The following B3GALT1 variants were observed in gnomAD, a reference collection of about 807,000 sequenced individuals.
B3GALT1 encodes beta-1,3-galactosyltransferase 1, also known as UDP-Gal:betaGlcNAc beta 1,3-galactosyltransferase, polypeptide 1.
In B3GALT1, 10 loss-of-function variants were observed where a neutral mutation model predicts 23.2. The observed-to-expected ratio is 0.43, with a 90% CI of 0.27 to 0.73. The LOEUF (loss-of-function observed/expected upper bound fraction) is 0.73, where lower values mean the gene tolerates loss of function less well. B3GALT1 is among the 30% of genes least tolerant of loss of function. The probability of loss-of-function intolerance (pLI) is 0.21; values close to 1 mark genes in which losing one functional copy is unlikely to be tolerated. For synonymous variants in B3GALT1, 156 were observed against 141.5 expected (o/e 1.10, Z -0.73); for missense variants, 299 against 405.4 (o/e 0.74, Z 2.25).
chr2:167,319,367 T>G (rs1696769799), intron 1 of B3GALT1, among the ~76,000 whole-genome samples: 1 of 152,158 alleles, frequency 6.6e-6, no homozygotes, highest in South Asian at 2.1e-4. Flanking sequence ...CTAGGAAGCC[T>G]ACATCGGGTA....
rs533952377 is a variant in B3GALT1 at position 167,489,839 on chromosome 2, A to G, written c.-510-338A>G. ...TCTTGTGGAAATACTTGCTATTATAAGTGAGACCGCAGAATAAAATTAATG... is the reference window on the plus strand; with the variant it reads ...TCTTGTGGAAATACTTGCTATTATAGGTGAGACCGCAGAATAAAATTAATG... On this transcript the variant is annotated intron_variant, in intron 1 of 4. Coordinates refer to ENST00000392690, the MANE Select transcript of B3GALT1 (RefSeq NM_020981.4). 5.1e-4 allele frequency among the ~76,000 whole-genome samples: 77 copies of G among 152,354 alleles called. 1 individual carries two copies. In the South Asian group the frequency reaches 0.015, roughly 29 times the overall value.
chr2:167,512,339 A>G (rs973309275), intron 2 of B3GALT1, among the ~76,000 whole-genome samples: 1 of 151,098 alleles, frequency 6.6e-6, no homozygotes, highest in African/African-American at 2.4e-5. Context: ...TTATATGTCT[A>G]TTGAGATTAT....
intron 3 of B3GALT1, among the ~76,000 whole-genome samples, chr2:167,647,729 C>T (rs573707986): frequency 6.6e-6 from 1 of 152,004 alleles, no homozygotes; most frequent in Non-Finnish European, 1.5e-5. Context: ...TTCTTTTTCC[C>T]AGTCACTCAA....
chr2:167,597,076 G>A (rs564698781), intron 2 of B3GALT1, among the ~76,000 whole-genome samples: 1 of 149,974 alleles, frequency 6.7e-6, no homozygotes, highest in African/African-American at 2.4e-5. Context: ...TGCTTAATGT[G>A]TATCCATTGT....
intron 1 of B3GALT1, among the ~76,000 whole-genome samples, chr2:167,455,230 G>A (rs934932849): frequency 6.6e-6 from 1 of 152,080 alleles, no homozygotes. Flanking sequence ...GATGACATTT[G>A]CTTTTAGGGA....
At chr2:167,796,907 T>A (rs1688554534) in intron 3 of B3GALT1, among the ~76,000 whole-genome samples, 1 of 152,212 alleles carries the variant, frequency 6.6e-6, no homozygotes, top group Non-Finnish European at 1.5e-5. Context: ...TTTTCTCCAG[T>A]GAGGCTAGGT....
intron 3 of B3GALT1, among the ~76,000 whole-genome samples, chr2:167,768,915 G>A (rs1688024112): frequency 6.6e-6 from 1 of 152,116 alleles, no homozygotes; most frequent in African/African-American, 2.4e-5. Flanking sequence ...CCATAAATTA[G>A]AATCTTGTTA....
At chr2:167,683,337 A>G (rs76038172) in intron 3 of B3GALT1, among the ~76,000 whole-genome samples, 248 of 152,338 alleles carry the variant, frequency 1.6e-3, no homozygotes, top group Non-Finnish European at 2.6e-3. Flanking sequence ...TTCAAAGTTC[A>G]TAAAGCCCTG....
At chr2:167,374,640 C>A (rs1323426411) in intron 1 of B3GALT1, among the ~76,000 whole-genome samples, 1 of 152,050 alleles carries the variant, frequency 6.6e-6, no homozygotes, top group Non-Finnish European at 1.5e-5. Flanking sequence ...TGTTTGTTGG[C>A]TGCTTGTGTG....
At chr2:167,562,037 C>T (rs1476319939) in intron 2 of B3GALT1, among the ~76,000 whole-genome samples, 1 of 152,192 alleles carries the variant, frequency 6.6e-6, no homozygotes, top group Non-Finnish European at 1.5e-5. Context: ...CCTTGATGAA[C>T]ACTGATGCAA....
intron 2 of B3GALT1, among the ~76,000 whole-genome samples, chr2:167,643,954 T>G (rs1685699454): frequency 6.6e-6 from 1 of 152,150 alleles, no homozygotes; most frequent in Non-Finnish European, 1.5e-5. Flanking sequence ...CTCTCTGTCT[T>G]TCATGTTTAG....
At chr2:167,647,877 A>G (rs555374324) in intron 3 of B3GALT1, among the ~76,000 whole-genome samples, 2 of 152,304 alleles carry the variant, frequency 1.3e-5, no homozygotes, top group South Asian at 4.1e-4. Flanking sequence ...TAAGCACATC[A>G]TGAAGAATGG....
chr2:167,630,961 G>C (rs1410455325), intron 2 of B3GALT1, among the ~76,000 whole-genome samples: 1 of 132,326 alleles, frequency 7.6e-6, no homozygotes. Flanking sequence ...GAATGAAAAA[G>C]AAACTATCAA....
intron 2 of B3GALT1, among the ~76,000 whole-genome samples, chr2:167,496,749 A>T (rs1309116952): frequency 6.6e-6 from 1 of 152,198 alleles, no homozygotes; most frequent in East Asian, 1.9e-4. Flanking sequence ...TCATGAAGGT[A>T]GAACCCTCAG....
intron 1 of B3GALT1, among the ~76,000 whole-genome samples, chr2:167,480,704 C>G (rs1318499634): frequency 1.3e-5 from 2 of 152,190 alleles, no homozygotes; most frequent in African/African-American, 2.4e-5. Context: ...CCTATTGCAG[C>G]TTAGTTTGTT....
In B3GALT1 at chr2:167,715,037, A is replaced by G. The variant is rs1687121988; in HGVS notation, c.-352+68071A>G. ...GGTAAGCTCTTCCTTTGTTTTGTCC[A>G]CTTCAGATAACTGAATAATAATGTG... On this transcript the variant is annotated intron_variant, in intron 3 of 4. Transcript: ENST00000392690. 1.1e-5 allele frequency: 18 copies of G among 1,611,584 alleles called. No individual in the cohort carries two copies. The South Asian group carries it at 1.4e-4, about 13-fold the overall frequency.
intron 1 of B3GALT1, among the ~76,000 whole-genome samples, chr2:167,294,066 T>G (rs919667590): frequency 6.6e-6 from 1 of 152,102 alleles, no homozygotes; most frequent in African/African-American, 2.4e-5. Flanking sequence ...TCTGAGGTAC[T>G]GGTAGCGGCT....
intron 2 of B3GALT1, among the ~76,000 whole-genome samples, chr2:167,555,275 A>G (rs1452117256): frequency 1.3e-5 from 2 of 152,190 alleles, no homozygotes; most frequent in Admixed American, 6.5e-5. Flanking sequence ...TTTTGCATAC[A>G]TTATCATACA....
At chr2:167,732,641 G>C (rs1687426859) in intron 3 of B3GALT1, among the ~76,000 whole-genome samples, 1 of 152,204 alleles carries the variant, frequency 6.6e-6, no homozygotes, top group Non-Finnish European at 1.5e-5. Flanking sequence ...AATTGAATAA[G>C]GTTGGGGAGG....
Sources: gnomAD v4.1 joint callset for allele counts (sites outside exome capture counted in the v4.1 genomes callset) on GRCh38, gnomAD v4.1.1 for gene constraint, MANE v1.5 for transcripts, NCBI Gene and HGNC (gene_info 2026-07-23, HGNC 2026-07-21) for gene names.